The following CNR2 variants were observed in gnomAD, a reference collection of about 807,000 sequenced individuals.
CNR2 encodes cannabinoid receptor 2 (macrophage).
For missense variants in CNR2, 379 were observed against 439.9 expected, an observed-to-expected ratio of 0.86 and a Z score of 1.24; for synonymous variants, 172 against 182.2, an observed-to-expected ratio of 0.94 and a Z score of 0.45.
chr1:23,906,118 G>C (rs1640482302), intron 1 of CNR2, among the ~76,000 whole-genome samples: 1 of 12,212 alleles, frequency 8.2e-5, no homozygotes, highest in South Asian at 0.5. Context: ...TCATAGTTGT[G>C]ATTCTGATTC....
chr1:23,883,902 AT>A (rs60390132), intron 1 of CNR2, among the ~76,000 whole-genome samples: 110,296 of 151,800 alleles, frequency 0.73, 40,845 homozygotes, highest in Middle Eastern at 0.79. Flanking sequence ...GTAAAGCCTA[AT>A]CCTTAAGGAG....
chr1:23,893,330 T>TA (rs949757900), intron 1 of CNR2, among the ~76,000 whole-genome samples: 6 of 152,334 alleles, frequency 3.9e-5, no homozygotes, highest in Non-Finnish European at 7.3e-5. Flanking sequence ...TAGTCAAGGT[T>TA]AAGTGCCAAG....
At chr1:23,886,119 G>A (rs1284782779) in intron 1 of CNR2, among the ~76,000 whole-genome samples, 1 of 149,194 alleles carries the variant, frequency 6.7e-6, no homozygotes, top group Non-Finnish European at 1.5e-5. Flanking sequence ...AACCTGGGAG[G>A]CAGAGATTTC....
intron 1 of CNR2, among the ~76,000 whole-genome samples, chr1:23,877,522 C>T (rs545545314): frequency 6.6e-6 from 1 of 152,024 alleles, no homozygotes; most frequent in Non-Finnish European, 1.5e-5. Flanking sequence ...GTAGTCTCAG[C>T]TACTCAGGAG....
chr1:23,872,621 C>T lies in CNR2; in HGVS notation c.*1914G>A, dbSNP rs1226600014. The T allele has an allele frequency of 6.6e-6, 1 of 152,064 alleles. No homozygotes were observed. The highest frequency in any genetic ancestry group is 1.5e-5 in the Non-Finnish European group (1 of 68,024). 9.4% of individuals were successfully genotyped at this position (152,064 alleles called of 1,614,324 possible). On this transcript the variant is annotated 3_prime_UTR_variant, in exon 2 of 2. Transcript: ENST00000374472. ...TCAGCTCTGGTACTTAGCAGGGTGA[C>T]CTTAGACAAGTGACTTTGCATCTTT...
chr1:23,909,943 G>A (rs1301599637), intron 1 of CNR2, among the ~76,000 whole-genome samples: 1 of 151,508 alleles, frequency 6.6e-6, no homozygotes, highest in African/African-American at 2.4e-5. Context: ...ACCAGTTATG[G>A]GACTGTGGAC....
chr1:23,908,651 G>C (rs1426423101), intron 1 of CNR2, among the ~76,000 whole-genome samples: 1 of 152,042 alleles, frequency 6.6e-6, no homozygotes, highest in Admixed American at 6.6e-5. Context: ...AGCCTTAGTG[G>C]CTTCATCTGT....
At chr1:23,887,024 G>A (rs1479732196) in intron 1 of CNR2, among the ~76,000 whole-genome samples, 1 of 152,186 alleles carries the variant, frequency 6.6e-6, no homozygotes, top group African/African-American at 2.4e-5. Flanking sequence ...TCCTGCCTCA[G>A]CCTCCCAAGT....
intron 1 of CNR2, among the ~76,000 whole-genome samples, chr1:23,908,265 C>T (rs1157366283): frequency 6.6e-6 from 1 of 152,108 alleles, no homozygotes; most frequent in African/African-American, 2.4e-5. Context: ...AGGCATGAGC[C>T]ACCGTGCCTG....
intron 1 of CNR2, among the ~76,000 whole-genome samples, chr1:23,880,367 C>T (rs1200112414): frequency 2.6e-5 from 4 of 151,652 alleles, no homozygotes; most frequent in African/African-American, 4.8e-5. Flanking sequence ...TTAGTAGAGA[C>T]GGGGTTTCAC....
intron 1 of CNR2, among the ~76,000 whole-genome samples, chr1:23,906,891 CAAA>C (rs111873996): frequency 6.1e-5 from 7 of 115,266 alleles, no homozygotes; most frequent in Admixed American, 1.8e-4. Context: ...GACTCTGTGT[CAAA>C]AAAAAAAAAA....
At chr1:23,897,576 G>A (rs1249608604) in intron 1 of CNR2, among the ~76,000 whole-genome samples, 2 of 151,484 alleles carry the variant, frequency 1.3e-5, no homozygotes, top group Non-Finnish European at 1.5e-5. Flanking sequence ...CCGGTTTCAA[G>A]CAATTCTTCC....
chr1:23,890,763 A>G (rs1375211111), intron 1 of CNR2, among the ~76,000 whole-genome samples: 2 of 149,028 alleles, frequency 1.3e-5, no homozygotes, highest in African/African-American at 4.9e-5. Context: ...AAAAAAAGAA[A>G]TAGATCAAAG....
intron 1 of CNR2, among the ~76,000 whole-genome samples, chr1:23,885,238 C>G (rs1361678816): frequency 6.6e-6 from 1 of 151,142 alleles, no homozygotes; most frequent in Non-Finnish European, 1.5e-5. Context: ...GCACTCCAGC[C>G]TGGTTGACAG....
Position 23,872,660 on chromosome 1 carries a change from C to G in CNR2, c.*1875G>C, listed in dbSNP as rs887742028. The G allele has an allele frequency of 3.3e-5, 5 of 152,084 alleles. No individual in the cohort carries two copies. 9.4% of individuals were successfully genotyped at this position (152,084 alleles called of 1,614,324 possible). On this transcript the variant is annotated 3_prime_UTR_variant, in exon 2 of 2. Transcript: ENST00000374472. Reference sequence around the variant, plus strand: ...CTTTGCATCTTTGAGGTTGCCACATCTGTAAAATGAAGATAACTAAGACCT... The same window carrying G: ...CTTTGCATCTTTGAGGTTGCCACATGTGTAAAATGAAGATAACTAAGACCT...
At chr1:23,899,878 AGAG>A (rs1640360322) in intron 1 of CNR2, among the ~76,000 whole-genome samples, 1 of 1,318 alleles carries the variant, frequency 7.6e-4, no homozygotes, top group African/African-American at 8.5e-4. Context: ...AAAGAGAGAG[AGAG>A]AAAGAAAGAA....
intron 1 of CNR2, among the ~76,000 whole-genome samples, chr1:23,895,177 C>G (rs1004988623): frequency 6.1e-5 from 3 of 49,386 alleles, no homozygotes; most frequent in Non-Finnish European, 1.3e-4. Flanking sequence ...TCCAAGGTCA[C>G]GCCACTGTGC....
intron 1 of CNR2, among the ~76,000 whole-genome samples, chr1:23,897,130 CT>C (rs1281168997): frequency 6.6e-6 from 1 of 152,138 alleles, no homozygotes; most frequent in East Asian, 1.9e-4. Context: ...CCGCCTCAGC[CT>C]CCCAAAGTGC....
chr1:23,879,588 G>T (rs1639943896), intron 1 of CNR2, among the ~76,000 whole-genome samples: 1 of 152,148 alleles, frequency 6.6e-6, no homozygotes, highest in African/African-American at 2.4e-5. Flanking sequence ...ACTCCAGTGT[G>T]GGTGACAGAA....
Sources: gnomAD v4.1 joint callset for allele counts (sites outside exome capture counted in the v4.1 genomes callset) on GRCh38, gnomAD v4.1.1 for gene constraint, MANE v1.5 for transcripts, NCBI Gene and HGNC (gene_info 2026-07-23, HGNC 2026-07-21) for gene names.